HECW1: variants seen among roughly 807,000 people sequenced by gnomAD.
HECW1 encodes the protein E3 ubiquitin-protein ligase HECW1.
In HECW1, 61 loss-of-function variants were observed where a neutral mutation model predicts 182.3. That is an observed-to-expected ratio of 0.33 (90% CI 0.27 to 0.41). The LOEUF (loss-of-function observed/expected upper bound fraction) is 0.41. HECW1 is among the 10% of genes least tolerant of loss of function. The pLI, the probability that HECW1 is intolerant of heterozygous loss-of-function variation, is 1.00. For missense variants in HECW1, 1,739 were observed against 2,108.9 expected (o/e 0.82, Z 3.44); for synonymous variants, 859 against 832.6 (o/e 1.03, Z -0.55).
rs138656256 is a variant in HECW1, at chr7:43,538,293, A to C, written c.4020-2870A>C. On this transcript the variant is annotated intron_variant, in intron 24 of 29. Coordinates refer to ENST00000395891, the MANE Select transcript of HECW1 (RefSeq NM_015052.5). ...AGGGCGATATCACTCATGTCCCTGG[A>C]GTTCCTGAGGCCCAACTGCATTCCT... 1.0e-3 allele frequency among the ~76,000 whole-genome samples: 154 copies of C among 152,302 alleles called. 1 individual carries two copies. The East Asian group carries it at 0.024, about 23-fold the overall frequency.
intron 24 of HECW1, among the ~76,000 whole-genome samples, chr7:43,516,626 A>G (rs1374911058): frequency 6.6e-6 from 1 of 152,162 alleles, no homozygotes; most frequent in East Asian, 1.9e-4. Flanking sequence ...TTCCTTCTCT[A>G]TTCCTAGGAA....
intron 2 of HECW1, among the ~76,000 whole-genome samples, chr7:43,198,244 G>A (rs1288030820): frequency 1.5e-5 from 2 of 134,900 alleles, no homozygotes; most frequent in Non-Finnish European, 1.6e-5. Context: ...ACATCCCACA[G>A]TCTCTCACAC....
At chr7:43,164,838 C>G (rs891454068) in intron 2 of HECW1, among the ~76,000 whole-genome samples, 1 of 152,224 alleles carries the variant, frequency 6.6e-6, no homozygotes, top group African/African-American at 2.4e-5. Context: ...AGCCGCGCTT[C>G]CATGGTGTAT....
At position 43,183,962 on chromosome 7, in the gene HECW1, TA is replaced by T. The variant is rs33912005; in HGVS notation, c.-31-59903del. Among the ~76,000 whole-genome samples the T allele has an allele frequency of 5.2e-4, 73 of 140,184 alleles. 1 individual carries two copies. Among genetic ancestry groups the T allele is most frequent in the South Asian group, 4.7e-3 (21 of 4,494 alleles). 92.0% of individuals were successfully genotyped at this position (140,184 alleles called of 152,430 possible). A position where few individuals can be genotyped will look rare whatever the true frequency, so the allele number is the denominator to read the frequency against. ...ATCACTGTTTTAAGACTACACAATT[TA>T]AAAAAAAAATCAAGATGTGATTTGT... is the stretch of plus-strand genomic sequence containing the variant. On this transcript the variant is annotated intron_variant, in intron 2 of 29. Transcript: ENST00000395891.
rs1226331485 is a variant in HECW1 at position 43,444,682 on chromosome 7, AAGGAGC to A, written c.1516_1521del (p.Gln506_Glu507del). On this transcript the variant is annotated inframe_deletion, in exon 11 of 30. Transcript: ENST00000395891. The surrounding 1 kb of genome is among the most constrained non-coding windows in gnomAD (Gnocchi z 4.3). Reference sequence around the variant, plus strand: ...CCGGGCTGGAAGGGAAGAAGAGGAGAAGGAGCAGGAGGAGGAGGGAGATGTGTCTAC... The same window carrying A: ...CCGGGCTGGAAGGGAAGAAGAGGAGAAGGAGGAGGAGGGAGATGTGTCTAC... 8 of 1,606,348 alleles carry A rather than the reference AAGGAGC, an allele frequency of 5.0e-6. No individual in the cohort carries two copies. Among genetic ancestry groups the A allele is most frequent in the Non-Finnish European group, 6.8e-6 (8 of 1,176,184 alleles).
intron 2 of HECW1, among the ~76,000 whole-genome samples, chr7:43,235,559 T>C (rs1386076655): frequency 6.6e-6 from 1 of 152,170 alleles, no homozygotes; most frequent in African/African-American, 2.4e-5. Flanking sequence ...AGGAAATCTA[T>C]GAAGATTCAT....
chr7:43,369,450 G>A (rs1817052797), intron 6 of HECW1, among the ~76,000 whole-genome samples: 2 of 151,984 alleles, frequency 1.3e-5, no homozygotes, highest in South Asian at 2.1e-4. Flanking sequence ...AAGAGTGAGC[G>A]AAACTCCGTC....
At chr7:43,182,292 T>A (rs914251809) in intron 2 of HECW1, among the ~76,000 whole-genome samples, 2 of 152,254 alleles carry the variant, frequency 1.3e-5, no homozygotes, top group African/African-American at 4.8e-5. Context: ...TCTGGTCTTA[T>A]ATTTAAGTCT....
At chr7:43,424,632 T>TA (rs940313914) in intron 8 of HECW1, among the ~76,000 whole-genome samples, 1 of 151,454 alleles carries the variant, frequency 6.6e-6, no homozygotes, top group Admixed American at 6.6e-5. Context: ...CAAAAATAAA[T>TA]AAAAAAATAA....
At chr7:43,457,625 A>C (rs1040638661) in intron 13 of HECW1, among the ~76,000 whole-genome samples, 2 of 152,104 alleles carry the variant, frequency 1.3e-5, no homozygotes, top group African/African-American at 2.4e-5. Context: ...ATGCAAAAAA[A>C]TTAGCCAAGC....
intron 7 of HECW1, among the ~76,000 whole-genome samples, chr7:43,404,574 G>C (rs1337535664): frequency 6.6e-6 from 1 of 152,186 alleles, no homozygotes; most frequent in Non-Finnish European, 1.5e-5. Flanking sequence ...TGGACAAGTT[G>C]TTTGATAGAA....
intron 2 of HECW1, among the ~76,000 whole-genome samples, chr7:43,242,563 C>T (rs1042617961): frequency 3.9e-5 from 6 of 152,104 alleles, no homozygotes; most frequent in Admixed American, 1.3e-4. Context: ...TGGGTGGCTG[C>T]GCAAAGCTCC....
intron 2 of HECW1, among the ~76,000 whole-genome samples, chr7:43,229,955 A>G (rs907580658): frequency 6.6e-6 from 1 of 152,340 alleles, no homozygotes; most frequent in South Asian, 2.1e-4. Context: ...GCACCAGCCT[A>G]ATACCTCCTG....
At chr7:43,445,700 T>G (rs1314347432) in intron 11 of HECW1, 130 bp downstream of exon 11, 1 of 1,112,762 alleles carries the variant, frequency 9.0e-7, no homozygotes, top group African/African-American at 1.6e-5. Flanking sequence ...TATGCCTGTC[T>G]TGTATATACA....
chr7:43,512,174 C>T (rs971917217), intron 24 of HECW1: 3 of 222,642 alleles, frequency 1.3e-5, no homozygotes, highest in African/African-American at 4.5e-5. Flanking sequence ...CATAAGGAAA[C>T]GGAGAAACCA....
chr7:43,371,442 G>A (rs1056012853), intron 6 of HECW1, among the ~76,000 whole-genome samples: 2 of 152,066 alleles, frequency 1.3e-5, no homozygotes, highest in South Asian at 2.1e-4. Flanking sequence ...CAGTTTTGCT[G>A]TGGACCTAAA....
At chr7:43,461,485 T>C (rs1195489925) in intron 13 of HECW1, among the ~76,000 whole-genome samples, 1 of 152,212 alleles carries the variant, frequency 6.6e-6, no homozygotes, top group African/African-American at 2.4e-5. Context: ...CATAAAGCAT[T>C]TAGGGAATCC....
chr7:43,394,867 G>A (rs746205631), intron 6 of HECW1, among the ~76,000 whole-genome samples: 2 of 152,188 alleles, frequency 1.3e-5, no homozygotes, highest in Non-Finnish European at 2.9e-5. Context: ...GAGCATTCAG[G>A]GGACAGAGTT....
intron 13 of HECW1, among the ~76,000 whole-genome samples, chr7:43,458,277 A>G (rs993954361): frequency 3.9e-5 from 6 of 152,230 alleles, no homozygotes; most frequent in African/African-American, 1.4e-4. Context: ...GGCTGTATTC[A>G]TAAGAGGTAC....
Sources: gnomAD v4.1 joint callset for allele counts (sites outside exome capture counted in the v4.1 genomes callset) on GRCh38, gnomAD v4.1.1 for gene constraint, Gnocchi (gnomAD v3.1) non-coding constraint, MANE v1.5 for transcripts, NCBI Gene and HGNC (gene_info 2026-07-23, HGNC 2026-07-21) for gene names.